The following PIEZO2 variants were observed in gnomAD, a reference collection of about 807,000 sequenced individuals.
PIEZO2 encodes piezo-type mechanosensitive ion channel component 2.
PIEZO2 carries 172 observed loss-of-function variants against 337.3 expected under a neutral mutation model. The ratio of observed to expected loss-of-function variants is 0.51; its 90% CI spans 0.45 to 0.58. The LOEUF (loss-of-function observed/expected upper bound fraction) is 0.58, where lower values mean the gene tolerates loss of function less well. Ranked by LOEUF, PIEZO2 falls within the 20% of genes least tolerant of loss-of-function variation. The pLI is 0.00. For synonymous variants in PIEZO2, 1,251 were observed against 1,228.5 expected (o/e 1.02, Z -0.38); for missense variants, 3,028 against 3,391.3 (o/e 0.89, Z 2.66).
Position 11,002,782 on chromosome 18 carries a change from T to C in PIEZO2, c.161-23122A>G, listed in dbSNP as rs1183749099. 6.6e-6 allele frequency among the ~76,000 whole-genome samples: 1 copy of C among 152,172 alleles called. No homozygotes were observed. Among genetic ancestry groups the C allele is most frequent in the Non-Finnish European group, 1.5e-5 (1 of 68,026 alleles). On this transcript the variant is annotated intron_variant, in intron 2 of 55. Transcript: ENST00000674853. The surrounding 1 kb of genome is among the most constrained non-coding windows in gnomAD (Gnocchi z 4.3). ...TGCTAAAGTCTGAAAAGCTGAACTATGGAAAGCAGGCCACATTGGATAATC... is the reference window on the plus strand; with the variant it reads ...TGCTAAAGTCTGAAAAGCTGAACTACGGAAAGCAGGCCACATTGGATAATC...
chr18:10,760,297 T>C (rs1043302864), intron 24 of PIEZO2, among the ~76,000 whole-genome samples: 3 of 152,184 alleles, frequency 2.0e-5, no homozygotes, highest in Admixed American at 6.5e-5. Context: ...AGAAAGAAGA[T>C]TAATACTTTA....
intron 30 of PIEZO2, among the ~76,000 whole-genome samples, chr18:10,744,802 TCTC>T (rs1266764029): frequency 2.0e-5 from 3 of 152,032 alleles, no homozygotes; most frequent in Non-Finnish European, 4.4e-5. Flanking sequence ...TCTCCATAAA[TCTC>T]CTCAACCTTC....
chr18:10,835,134 C>T (rs2040967368), intron 7 of PIEZO2, among the ~76,000 whole-genome samples: 1 of 152,182 alleles, frequency 6.6e-6, no homozygotes, highest in Non-Finnish European at 1.5e-5. Flanking sequence ...ACTCTGTTGG[C>T]ACCTCGATCT....
rs577604388 is a variant in PIEZO2 at position 10,922,452 on chromosome 18, G to A, written c.287-11224C>T. 3.8e-4 allele frequency among the ~76,000 whole-genome samples: 58 copies of A among 152,268 alleles called. No individual in the cohort carries two copies. The South Asian group carries it at 9.1e-3, about 24-fold the overall frequency. On this transcript the variant is annotated intron_variant, in intron 3 of 55. Coordinates refer to ENST00000674853, the MANE Select transcript of PIEZO2 (RefSeq NM_001378183.1). ...GAGATGAGGTGAGGCCAAAGGACAAGGTGGCCCTTTAGTGCAAGACCCATG... is the reference window on the plus strand; with the variant it reads ...GAGATGAGGTGAGGCCAAAGGACAAAGTGGCCCTTTAGTGCAAGACCCATG...
chr18:11,108,391 A>G (rs886411031), intron 1 of PIEZO2, among the ~76,000 whole-genome samples: 15 of 151,986 alleles, frequency 9.9e-5, no homozygotes, highest in South Asian at 2.1e-4. Flanking sequence ...CGAGGCGGGC[A>G]GATCACGAGG....
In PIEZO2 at chr18:11,054,983, G is replaced by A. The variant is rs985689322; in HGVS notation, c.160+11144C>T. Among the ~76,000 whole-genome samples the A allele has an allele frequency of 4.6e-5, 7 of 152,156 alleles. No individual in the cohort carries two copies. In the East Asian group the frequency reaches 7.8e-4, roughly 17 times the overall value. On this transcript the variant is annotated intron_variant, in intron 2 of 55. Transcript: ENST00000674853. ...TCCCAGCACTTTGGGAGGCCGAGGA[G>A]GGCAGATCACGAGGTCAGGAGATCA... is the stretch of plus-strand genomic sequence containing the variant.
intron 36 of PIEZO2, among the ~76,000 whole-genome samples, chr18:10,720,336 A>C (rs2036219613): frequency 7.4e-6 from 1 of 135,624 alleles, no homozygotes; most frequent in South Asian, 2.4e-4. Flanking sequence ...TAATATATAT[A>C]TCTCATATAT....
Position 10,748,339 on chromosome 18 carries a change from G to T in PIEZO2, c.4424+132C>A, listed in dbSNP as rs921088884. ...CAGGCCTTGTGCTAAATTCTTCTTG[G>T]ATTGGTTTTGCTGGAAGGGATTTCT... is the stretch of plus-strand genomic sequence containing the variant. On this transcript the variant is annotated intron_variant, in intron 30 of 55. Transcript: ENST00000674853. This position sits in a 1 kb window ranked among gnomAD's most constrained non-coding sequence, Gnocchi z 5.1. 1 of 863,404 alleles carries T rather than the reference G, an allele frequency of 1.2e-6. No individual in the cohort carries two copies. The highest frequency in any genetic ancestry group is 1.7e-6 in the Non-Finnish European group (1 of 573,382). The allele number at this position is 863,404 out of a possible 1,614,324, so 53.5% of individuals were successfully genotyped here. A position where few individuals can be genotyped will look rare whatever the true frequency, so the allele number is the denominator to read the frequency against.
chr18:10,753,115 C>T (rs899000017), intron 27 of PIEZO2, among the ~76,000 whole-genome samples: 18 of 152,170 alleles, frequency 1.2e-4, no homozygotes, highest in African/African-American at 4.3e-4. Context: ...CCAAATTTCT[C>T]ACAAACAACA....
At position 11,149,034 on chromosome 18, in the gene PIEZO2, G is replaced by A. The variant is rs943291708; in HGVS notation, c.-446C>T. On this transcript the variant is annotated 5_prime_UTR_variant, in exon 1 of 56. Coordinates refer to ENST00000674853, the MANE Select transcript of PIEZO2 (RefSeq NM_001378183.1). The surrounding 1 kb of genome is among the most constrained non-coding windows in gnomAD (Gnocchi z 8.7). ...CCGGGGCGTCGTTTGGGGGCGGCCG[G>A]GGAGTTTTCTACTTGGAAGCCCCTC... Among the ~76,000 whole-genome samples, 1 of 152,074 alleles carries A rather than the reference G, an allele frequency of 6.6e-6. No homozygotes were observed. The highest frequency in any genetic ancestry group is 6.5e-5 in the Admixed American group (1 of 15,282).
At chr18:10,681,541 A>G (rs2034264602) in intron 51 of PIEZO2, 120 bp downstream of exon 51, 1 of 765,586 alleles carries the variant, frequency 1.3e-6, no homozygotes, top group Non-Finnish European at 2.2e-6. Context: ...TATGTAACTG[A>G]TAAACCCTGA....
At chr18:10,880,767 A>C (rs1340136065) in intron 4 of PIEZO2, among the ~76,000 whole-genome samples, 2 of 148,952 alleles carry the variant, frequency 1.3e-5, no homozygotes, top group African/African-American at 5.0e-5. Context: ...GGCTTCAATA[A>C]CTTTAAAGGC....
chr18:10,703,581 T>C (rs1027864555), intron 42 of PIEZO2, among the ~76,000 whole-genome samples: 2 of 152,236 alleles, frequency 1.3e-5, no homozygotes, highest in Non-Finnish European at 2.9e-5. Context: ...CTGTTGAAAG[T>C]GACAACTTTT....
In PIEZO2 at chr18:10,903,463, C is replaced by G. The variant is rs769941951; in HGVS notation, c.329+7723G>C. Among the ~76,000 whole-genome samples, 1 of 151,984 alleles carries G rather than the reference C, an allele frequency of 6.6e-6. No individual in the cohort carries two copies. The highest frequency in any genetic ancestry group is 1.5e-5 in the Non-Finnish European group (1 of 67,992). ...CGGGCGGATCATGAGGTCAAGAGAT[C>G]GAGACCATCCTGGCCAACAACATGG... On this transcript the variant is annotated intron_variant, in intron 4 of 55. Transcript: ENST00000674853. This position sits in a 1 kb window ranked among gnomAD's most constrained non-coding sequence, Gnocchi z 4.1.
Position 10,726,514 on chromosome 18 carries a change from GT to G in PIEZO2, c.5029+4892del. ...TGCTGCTCCGCAAGCAGCCGTTCCT[GT>G]GGCGCGCTGCGCTGCTCTGCTCTGC... On this transcript the variant is annotated intron_variant, in intron 36 of 55. Coordinates refer to ENST00000674853, the MANE Select transcript of PIEZO2 (RefSeq NM_001378183.1). The surrounding 1 kb of genome is among the most constrained non-coding windows in gnomAD (Gnocchi z 5.9). The G allele has an allele frequency of 6.7e-7, 1 of 1,483,970 alleles. No homozygotes were observed. The highest frequency in any genetic ancestry group is 8.9e-7 in the Non-Finnish European group (1 of 1,121,080). The allele number at this position is 1,483,970 out of a possible 1,614,324, so 91.9% of individuals were successfully genotyped here. A position where few individuals can be genotyped will look rare whatever the true frequency, so the allele number is the denominator to read the frequency against.
rs2033844353 is a variant in PIEZO2 at position 10,672,934 on chromosome 18, A to G, written c.8162-61T>C. On this transcript the variant is annotated intron_variant, in intron 54 of 55. Coordinates refer to ENST00000674853, the MANE Select transcript of PIEZO2 (RefSeq NM_001378183.1). This position sits in a 1 kb window ranked among gnomAD's most constrained non-coding sequence, Gnocchi z 4.7. ...AGAATTTTAGGATTTCATGCACAGC[A>G]ACAGTTTTCAGATGGCAAAATCTGG... The G allele has an allele frequency of 1.7e-5, 24 of 1,408,026 alleles. No individual in the cohort carries two copies. The highest frequency in any genetic ancestry group is 4.8e-4 in the Middle Eastern group (2 of 4,148). 87.2% of individuals were successfully genotyped at this position (1,408,026 alleles called of 1,614,324 possible).
chr18:11,134,927 T>C (rs1484709046), intron 1 of PIEZO2, among the ~76,000 whole-genome samples: 2 of 151,782 alleles, frequency 1.3e-5, no homozygotes, highest in Non-Finnish European at 1.5e-5. Flanking sequence ...CCAAGGAGGA[T>C]CAGCACTGAA....
At position 10,773,542 on chromosome 18, in the gene PIEZO2, A is replaced by G. The variant is rs2038679014; in HGVS notation, c.2655T>C (p.Ala885=). Residue 885 remains alanine, a synonymous_variant, in exon 20 of 56, where the codon GCT becomes GCC. Coordinates refer to ENST00000674853, the MANE Select transcript of PIEZO2 (RefSeq NM_001378183.1). This position sits in a 1 kb window ranked among gnomAD's most constrained non-coding sequence, Gnocchi z 5.3. The part of the protein sequence containing the change: ...SLEKPEVRKL[A]EPGEEKLEGY... ...CCTCAAGCTTCTCCTCCCCAGGCTCAGCCAACTTCCTCACCTCCGGCTTCT... is the reference window on the plus strand; with the variant it reads ...CCTCAAGCTTCTCCTCCCCAGGCTCGGCCAACTTCCTCACCTCCGGCTTCT... 1.3e-6 allele frequency: 2 copies of G among 1,537,408 alleles called. No homozygotes were observed. The highest frequency in any genetic ancestry group is 1.7e-6 in the Non-Finnish European group (2 of 1,146,972).
intron 3 of PIEZO2, among the ~76,000 whole-genome samples, chr18:10,941,747 G>A (rs1384186266): frequency 3.9e-5 from 6 of 152,102 alleles, no homozygotes; most frequent in Non-Finnish European, 5.9e-5. Flanking sequence ...AAAATAAATT[G>A]ATTTAATGTA....
Sources: gnomAD v4.1 joint callset for allele counts (sites outside exome capture counted in the v4.1 genomes callset) on GRCh38, gnomAD v4.1.1 for gene constraint, Gnocchi (gnomAD v3.1) non-coding constraint, MANE v1.5 for transcripts, NCBI Gene and HGNC (gene_info 2026-07-23, HGNC 2026-07-21) for gene names.